Variants in ZC3H12C observed in about 807,000 individuals in gnomAD.
ZC3H12C encodes zinc finger CCCH-type containing 12C.
In ZC3H12C, 20 loss-of-function variants were observed where a neutral mutation model predicts 76.3. The observed-to-expected ratio is 0.26, with a 90% confidence interval of 0.18 to 0.38. ZC3H12C has a LOEUF of 0.38. Ranked by LOEUF, ZC3H12C falls within the 10% of genes least tolerant of loss-of-function variation. ZC3H12C has a pLI of 1.00. For synonymous variants in ZC3H12C, 352 were observed against 399.6 expected (o/e 0.88, Z 1.42); for missense variants, 874 against 1,086.5 (o/e 0.80, Z 2.75).
intron 1 of ZC3H12C, among the ~76,000 whole-genome samples, chr11:110,119,227 ACTTCT>A (rs1344427838): frequency 3.9e-5 from 6 of 152,182 alleles, no homozygotes; most frequent in Admixed American, 3.3e-4. Context: ...TAGGATCATC[ACTTCT>A]CTTCTCAAAA....
intron 1 of ZC3H12C, among the ~76,000 whole-genome samples, chr11:110,120,271 T>G (rs1861629848): frequency 1.3e-5 from 2 of 152,206 alleles, no homozygotes; most frequent in Non-Finnish European, 2.9e-5. Context: ...TAAAGATGCC[T>G]TATTTAATAT....
chr11:110,157,646 G>A (rs900956427), intron 3 of ZC3H12C, among the ~76,000 whole-genome samples: 23 of 151,992 alleles, frequency 1.5e-4, no homozygotes, highest in African/African-American at 5.6e-4. Flanking sequence ...ATGTTGGCCA[G>A]GGTAGACTTG....
chr11:110,163,170 G>GC lies in ZC3H12C; in HGVS notation c.1149-102dup, dbSNP rs1862512170. The GC allele has an allele frequency of 6.3e-5, 60 of 959,904 alleles. 1 individual carries two copies. The East Asian group carries it at 1.6e-3, about 26-fold the overall frequency. The allele number at this position is 959,904 out of a possible 1,614,324, so 59.5% of individuals were successfully genotyped here. ...GAATCAAAACACTTGGATTAAAATT[G>GC]CAAAAAAAATTCCTTATAGAGGGAA... On this transcript the variant is annotated intron_variant, in intron 4 of 5. Transcript: ENST00000278590.
Position 110,166,464 on chromosome 11 carries a change from T to C in ZC3H12C, c.*727T>C, listed in dbSNP as rs1862587295. 6.6e-6 allele frequency: 1 copy of C among 152,172 alleles called. No individual in the cohort carries two copies. Among genetic ancestry groups the C allele is most frequent in the Non-Finnish European group, 1.5e-5 (1 of 68,008 alleles). The allele number at this position is 152,172 out of a possible 1,614,324, so 9.4% of individuals were successfully genotyped here. ...TATGGTCAATTTAAAAGAAAGCAGATGCAATCAATGGAAAAATGTTTCCAT... is the reference window on the plus strand; with the variant it reads ...TATGGTCAATTTAAAAGAAAGCAGACGCAATCAATGGAAAAATGTTTCCAT... On this transcript the variant is annotated 3_prime_UTR_variant, in exon 6 of 6. Transcript: ENST00000278590.
At chr11:110,120,803 C>G (rs1008303768) in intron 1 of ZC3H12C, among the ~76,000 whole-genome samples, 1 of 152,188 alleles carries the variant, frequency 6.6e-6, no homozygotes, top group African/African-American at 2.4e-5. Flanking sequence ...GATTATGCAG[C>G]ACTTAAACAT....
intron 1 of ZC3H12C, among the ~76,000 whole-genome samples, chr11:110,135,675 A>G (rs1861945306): frequency 6.6e-6 from 1 of 152,158 alleles, no homozygotes; most frequent in Non-Finnish European, 1.5e-5. Flanking sequence ...AAGTATTCTT[A>G]TATGGTGAAA....
At position 110,164,797 on chromosome 11, in the gene ZC3H12C, C is replaced by A; in HGVS notation, c.1712C>A (p.Thr571Lys). The change falls in exon 6 of 6, where the codon ACG becomes AAG. Residue 571 changes from threonine (T) to lysine (K), a missense_variant. Physicochemically the swap from Thr to Lys is moderately conservative, Grantham distance 78 (BLOSUM62 -1). Around this residue, in one of 3 missense-constraint regions of ZC3H12C, gnomAD observed 395 missense variants for 434.4 expected, o/e 0.91. Transcript: ENST00000278590. The surrounding 1 kb of genome is among the most constrained non-coding windows in gnomAD (Gnocchi z 5.7). Reference protein sequence around the residue: ...SMMMATKNHGTPMPYEQYPKC... With the variant: ...SMMMATKNHGKPMPYEQYPKC... ...ATGATGGCAACCAAAAATCATGGAA[C>A]GCCAATGCCTTATGAACAGTATCCA... The A allele has an allele frequency of 6.2e-7, 1 of 1,614,030 alleles. No homozygotes were observed.
chr11:110,127,778 C>A (rs1268003401), intron 1 of ZC3H12C, among the ~76,000 whole-genome samples: 3 of 151,874 alleles, frequency 2.0e-5, no homozygotes, highest in African/African-American at 7.3e-5. Flanking sequence ...GGCTTGTAGT[C>A]CCAGCTACTT....
intron 1 of ZC3H12C, among the ~76,000 whole-genome samples, chr11:110,121,843 G>T (rs762671237): frequency 6.6e-6 from 1 of 152,076 alleles, no homozygotes; most frequent in East Asian, 1.9e-4. Flanking sequence ...TTTGCAGCTC[G>T]TTTTGGATTA....
chr11:110,107,354 C>T (rs995866887), intron 1 of ZC3H12C, among the ~76,000 whole-genome samples: 2 of 151,552 alleles, frequency 1.3e-5, no homozygotes, highest in African/African-American at 4.8e-5. Flanking sequence ...ACAGTGTGTA[C>T]AAAACCATTT....
At chr11:110,162,200 A>G (rs904654271) in intron 4 of ZC3H12C, among the ~76,000 whole-genome samples, 1 of 152,214 alleles carries the variant, frequency 6.6e-6, no homozygotes, top group Non-Finnish European at 1.5e-5. Flanking sequence ...TTATGTTAAA[A>G]AGGCAAAGTG....
rs942289596 is a variant in ZC3H12C at position 110,155,720 on chromosome 11, A to AT, written c.913+2662_913+2663insT. Among the ~76,000 whole-genome samples, 28 of 152,284 alleles carry AT rather than the reference A, an allele frequency of 1.8e-4. 1 individual carries two copies. Among genetic ancestry groups the AT allele is most frequent in the African/African-American group, 6.7e-4 (28 of 41,554 alleles). On this transcript the variant is annotated intron_variant, in intron 3 of 5. Transcript: ENST00000278590. Reference sequence around the variant, plus strand: ...GACACACAGGCATACATATATATATACACATATATCAACAGTGGAAAGAAC... The same window carrying AT: ...GACACACAGGCATACATATATATATATCACATATATCAACAGTGGAAAGAAC...
rs368853887 is a variant in ZC3H12C at position 110,165,430 on chromosome 11, A to G, written c.2345A>G (p.Tyr782Cys). ...CTGGGAAGCTGGGAGAGGCCAGGCT[A>G]TGGGATCGACGCCTATGGGTACCGG... The part of the protein sequence containing the change: ...EGLGSWERPG[Y>C]GIDAYGYRQT... Residue 782 changes from tyrosine (Y) to cysteine (C), a missense_variant, in exon 6 of 6, where the codon TAT becomes TGT. Tyr to Cys is a radical substitution (Grantham distance 194). Transcript: ENST00000278590. The G allele has an allele frequency of 1.2e-6, 2 of 1,613,916 alleles. No individual in the cohort carries two copies. The highest frequency in any genetic ancestry group is 1.3e-5 in the African/African-American group (1 of 74,938).
At chr11:110,099,412 T>A (rs1288239836) in intron 1 of ZC3H12C, among the ~76,000 whole-genome samples, 2 of 151,900 alleles carry the variant, frequency 1.3e-5, no homozygotes, top group African/African-American at 4.9e-5. Flanking sequence ...CAAAGTTTGA[T>A]GATGAGCATT....
chr11:110,157,178 C>CAA lies in ZC3H12C; in HGVS notation c.914-2064_914-2063dup, dbSNP rs564780227. On this transcript the variant is annotated intron_variant, in intron 3 of 5. Coordinates refer to ENST00000278590, the MANE Select transcript of ZC3H12C (RefSeq NM_033390.2). Reference sequence around the variant, plus strand: ...TGGGTGACGGAGCAAGACTCCGTCTCAAAAAAAAAAAAAAACAGAGAGATC... The same window carrying CAA: ...TGGGTGACGGAGCAAGACTCCGTCTCAAAAAAAAAAAAAAAAACAGAGAGATC... 2.8e-3 allele frequency among the ~76,000 whole-genome samples: 282 copies of CAA among 101,298 alleles called. 1 individual carries two copies. The highest frequency in any genetic ancestry group is 6.0e-3 in the Admixed American group (58 of 9,740). The allele number at this position is 101,298 out of a possible 152,430, so 66.5% of individuals were successfully genotyped here.
In ZC3H12C at chr11:110,165,698, C is replaced by T. The variant is rs374032502; in HGVS notation, c.2613C>T (p.Ala871=). The part of the protein sequence containing the change: ...NPHMTDAQQL[A]AAILVEKSQL... ...ACATGACAGACGCCCAGCAGCTCGCCGCAGCCATTTTAGTGGAGAAATCCC... is the reference window on the plus strand; with the variant it reads ...ACATGACAGACGCCCAGCAGCTCGCTGCAGCCATTTTAGTGGAGAAATCCC... Residue 871 remains alanine, a synonymous_variant, in exon 6 of 6, where the codon GCC becomes GCT. Transcript: ENST00000278590. 5.6e-6 allele frequency: 9 copies of T among 1,593,160 alleles called. No homozygotes were observed. The highest frequency in any genetic ancestry group is 6.0e-6 in the Non-Finnish European group (7 of 1,169,138).
At position 110,136,976 on chromosome 11, in the gene ZC3H12C, T is replaced by G; in HGVS notation, c.335T>G (p.Leu112Trp). ...QLGSISVEPG[L>W]ITKTHRQLCR... ...GGTAGCATTTCAGTAGAGCCAGGCT[T>G]GATAACTAAGACTCACAGACAGCTC... Residue 112 changes from leucine (L) to tryptophan (W), a missense_variant, in exon 2 of 6, where the codon TTG becomes TGG. Physicochemically the swap from Leu to Trp is moderately conservative, Grantham distance 61. Around this residue, in one of 3 missense-constraint regions of ZC3H12C, gnomAD observed 210 missense variants for 227.1 expected, o/e 0.92. Coordinates refer to ENST00000278590, the MANE Select transcript of ZC3H12C (RefSeq NM_033390.2). 6.2e-7 allele frequency: 1 copy of G among 1,613,754 alleles called. No individual in the cohort carries two copies. The highest frequency in any genetic ancestry group is 1.1e-5 in the South Asian group (1 of 91,032).
intron 3 of ZC3H12C, among the ~76,000 whole-genome samples, chr11:110,154,369 CA>C (rs11410915): frequency 7.9e-4 from 111 of 141,128 alleles, no homozygotes; most frequent in Admixed American, 1.2e-3. Flanking sequence ...GACCCCATCT[CA>C]AAAAAAAAAA....
chr11:110,131,266 T>A (rs1274390188), intron 1 of ZC3H12C, among the ~76,000 whole-genome samples: 1 of 152,386 alleles, frequency 6.6e-6, no homozygotes, highest in African/African-American at 2.4e-5. Context: ...GTGAAATATG[T>A]CTGCGAAGCA....
Sources: allele counts gnomAD v4.1 joint callset (sites outside exome capture counted in the v4.1 genomes callset), GRCh38; gene constraint gnomAD v4.1.1; regional missense constraint gnomAD v4.1.1; non-coding constraint Gnocchi (gnomAD v3.1); transcripts MANE v1.5; gene names NCBI Gene and HGNC (gene_info 2026-07-23, HGNC 2026-07-21).